The following GPHN variants were observed in gnomAD, a reference collection of about 807,000 sequenced individuals.
GPHN encodes the protein gephyrin.
Under a neutral mutation model 95.5 loss-of-function variants are expected in GPHN, and 17 were observed. The ratio of observed to expected loss-of-function variants is 0.18; its 90% CI spans 0.12 to 0.27. GPHN has a LOEUF of 0.27. Ranked by LOEUF, GPHN falls within the 10% of genes least tolerant of loss-of-function variation. The probability of loss-of-function intolerance (pLI) is 1.00; values close to 1 mark genes in which losing one functional copy is unlikely to be tolerated. For missense variants in GPHN, 660 were observed against 978.1 expected (o/e 0.67, Z 4.34); for synonymous variants, 320 against 322.5 (o/e 0.99, Z 0.08).
At chr14:66,903,942 C>T (rs759170774) in intron 5 of GPHN, among the ~76,000 whole-genome samples, 1 of 152,122 alleles carries the variant, frequency 6.6e-6, no homozygotes. Flanking sequence ...ATCTTTTACA[C>T]TTTACTTCCA....
the GPHN span, among the ~76,000 whole-genome samples, chr14:67,387,902 TATGATACATATTA>T: frequency 6.6e-6 from 1 of 152,212 alleles, no homozygotes; most frequent in East Asian, 1.9e-4. Flanking sequence ...AAATTAGTAT[TATGATACATATTA>T]AGGTATGTTG....
At chr14:67,592,899 C>G in the GPHN span, 2 of 456,272 alleles carry the variant, frequency 4.4e-6, no homozygotes, top group Non-Finnish European at 7.9e-6. Context: ...GATTCTCCTG[C>G]CTCAGCCTCC....
intron 1 of GPHN, among the ~76,000 whole-genome samples, chr14:66,550,307 A>G (rs139898040): frequency 6.6e-4 from 101 of 152,314 alleles, no homozygotes; most frequent in African/African-American, 2.3e-3. Flanking sequence ...GAATCCACCC[A>G]TCAAGACTTC....
chr14:67,043,132 T>A (rs1011178738), intron 10 of GPHN, among the ~76,000 whole-genome samples: 3 of 152,202 alleles, frequency 2.0e-5, no homozygotes, highest in Non-Finnish European at 4.4e-5. Context: ...GATTTTGGGC[T>A]GAGACAGTGG....
chr14:67,325,093 G>A, the GPHN span, among the ~76,000 whole-genome samples: 2 of 151,706 alleles, frequency 1.3e-5, no homozygotes, highest in Non-Finnish European at 2.9e-5. Context: ...TTTTAGTAGA[G>A]ACAGGATTTC....
chr14:67,114,813 A>G (rs931410118), intron 16 of GPHN, among the ~76,000 whole-genome samples: 6 of 152,176 alleles, frequency 3.9e-5, no homozygotes, highest in African/African-American at 1.4e-4. Context: ...CATCCTCTCA[A>G]TTATCCACAG....
At chr14:66,657,025 A>G (rs1428757665) in intron 1 of GPHN, among the ~76,000 whole-genome samples, 2 of 152,216 alleles carry the variant, frequency 1.3e-5, no homozygotes, top group Non-Finnish European at 2.9e-5. Context: ...TCTCGCACCA[A>G]ACACTTAGCC....
At chr14:66,681,875 G>A (rs907726653) in intron 2 of GPHN, among the ~76,000 whole-genome samples, 6 of 151,974 alleles carry the variant, frequency 3.9e-5, no homozygotes, top group African/African-American at 7.3e-5. Flanking sequence ...AACTAGTTAA[G>A]CCTGCGAAGC....
intron 12 of GPHN, among the ~76,000 whole-genome samples, chr14:67,098,315 A>T (rs541246009): frequency 6.6e-6 from 1 of 152,196 alleles, no homozygotes; most frequent in Non-Finnish European, 1.5e-5. Flanking sequence ...TACTGAATGA[A>T]TAAAAGGAAT....
intron 1 of GPHN, among the ~76,000 whole-genome samples, chr14:66,669,766 A>G (rs551923528): frequency 9.8e-4 from 149 of 152,080 alleles, no homozygotes; most frequent in African/African-American, 3.4e-3. Context: ...TAAAATTTCT[A>G]TTTGGTCTTC....
At chr14:66,525,554 T>C (rs1256575848) in intron 1 of GPHN, among the ~76,000 whole-genome samples, 1 of 152,246 alleles carries the variant, frequency 6.6e-6, no homozygotes, top group Non-Finnish European at 1.5e-5. Flanking sequence ...GTTTTAGACA[T>C]GAAGTCTTTG....
chr14:66,958,373 G>A (rs2068673293), intron 8 of GPHN, among the ~76,000 whole-genome samples: 1 of 151,946 alleles, frequency 6.6e-6, no homozygotes, highest in African/African-American at 2.4e-5. Flanking sequence ...TTGCGTCTTT[G>A]GATCTAATTT....
chr14:67,101,028 T>G, intron 13 of GPHN, 117 bp downstream of exon 13: 2 of 719,792 alleles, frequency 2.8e-6, no homozygotes, highest in South Asian at 2.9e-5. Flanking sequence ...GTCAGAAGAT[T>G]ATCAAAGGGA....
the GPHN span, among the ~76,000 whole-genome samples, chr14:67,371,458 G>A: frequency 1.3e-5 from 2 of 151,654 alleles, no homozygotes; most frequent in Non-Finnish European, 2.9e-5. Flanking sequence ...GAACACTTTC[G>A]AAATACAGTC....
the GPHN span, among the ~76,000 whole-genome samples, chr14:67,370,984 A>T: frequency 6.6e-6 from 1 of 152,244 alleles, no homozygotes; most frequent in South Asian, 2.1e-4. Flanking sequence ...AGCCGAGGTC[A>T]TGCCACTACA....
rs138784046 is a variant in GPHN at position 67,037,229 on chromosome 14, C to T, written c.1006+13554C>T. Among the ~76,000 whole-genome samples the T allele has an allele frequency of 1.5e-4, 23 of 152,068 alleles. No homozygotes were observed. The East Asian group carries it at 4.4e-3, about 29-fold the overall frequency. ...ACGTTGTTGGGAAAACAGCTATTCTCTTTGCAAAAGAACGAAGACAGACCC... is the reference window on the plus strand; with the variant it reads ...ACGTTGTTGGGAAAACAGCTATTCTTTTTGCAAAAGAACGAAGACAGACCC... On this transcript the variant is annotated intron_variant, in intron 10 of 22. Transcript: ENST00000478722.
intron 21 of GPHN, among the ~76,000 whole-genome samples, chr14:67,171,880 C>T: frequency 6.6e-6 from 1 of 152,068 alleles, no homozygotes; most frequent in South Asian, 2.1e-4. Flanking sequence ...AGGAATTAAG[C>T]AGAGGATCCC....
At chr14:66,673,784 G>T (rs2066431534) in intron 1 of GPHN, among the ~76,000 whole-genome samples, 1 of 150,078 alleles carries the variant, frequency 6.7e-6, no homozygotes, top group African/African-American at 2.4e-5. Context: ...CAGGGCTCCT[G>T]GCAGCAAATT....
chr14:67,008,017 A>C (rs1251475803), intron 9 of GPHN, among the ~76,000 whole-genome samples: 1 of 152,206 alleles, frequency 6.6e-6, no homozygotes, highest in African/African-American at 2.4e-5. Flanking sequence ...TTTATAGAAC[A>C]AAGGTGAGGT....
Sources: allele counts gnomAD v4.1 joint callset (sites outside exome capture counted in the v4.1 genomes callset), GRCh38; gene constraint gnomAD v4.1.1; transcripts MANE v1.5; gene names NCBI Gene and HGNC (gene_info 2026-07-23, HGNC 2026-07-21).